The following ATXN2 variants were observed in gnomAD, a reference collection of about 807,000 sequenced individuals.
The protein encoded by ATXN2 is ataxin-2.
ATXN2 carries 37 observed loss-of-function variants against 138.6 expected under a neutral mutation model. The ratio of observed to expected loss-of-function variants is 0.27; its 90% CI spans 0.21 to 0.35. The LOEUF (loss-of-function observed/expected upper bound fraction) is 0.35, where lower values mean the gene tolerates loss of function less well. Ranked by LOEUF, ATXN2 falls within the 10% of genes least tolerant of loss-of-function variation. ATXN2 has a pLI of 1.00. For synonymous variants in ATXN2, 549 were observed against 543.7 expected, an observed-to-expected ratio of 1.01 and a Z score of -0.13; for missense variants, 1,216 against 1,480.3, an observed-to-expected ratio of 0.82 and a Z score of 2.93.
intron 5 of ATXN2, among the ~76,000 whole-genome samples, chr12:111,543,339 C>A (rs1444947364): frequency 6.6e-6 from 1 of 152,194 alleles, no homozygotes; most frequent in African/African-American, 2.4e-5. Context: ...CAACAGCACA[C>A]CAGAATAAAA....
chr12:111,505,128 G>A (rs1420355799), intron 14 of ATXN2, among the ~76,000 whole-genome samples: 1 of 152,120 alleles, frequency 6.6e-6, no homozygotes, highest in Admixed American at 6.6e-5. Context: ...CTACTCATTT[G>A]AGCCCAGGAG....
intron 10 of ATXN2, among the ~76,000 whole-genome samples, chr12:111,515,027 C>T (rs1458927963): frequency 1.3e-5 from 2 of 152,018 alleles, no homozygotes; most frequent in Admixed American, 6.6e-5. Context: ...TGATGGACTA[C>T]AAGAAAAATA....
At chr12:111,588,123 G>A (rs1442085805) in intron 1 of ATXN2, among the ~76,000 whole-genome samples, 1 of 151,712 alleles carries the variant, frequency 6.6e-6, no homozygotes, top group East Asian at 1.9e-4. Context: ...GGAGACAGAG[G>A]TTGCAGTGAG....
intron 1 of ATXN2, among the ~76,000 whole-genome samples, chr12:111,556,184 C>A (rs1218256256): frequency 6.6e-6 from 1 of 151,932 alleles, no homozygotes; most frequent in African/African-American, 2.4e-5. Context: ...AGTAAAATAG[C>A]CTACTGGAAG....
At position 111,457,278 on chromosome 12, in the gene ATXN2, G is replaced by A. The variant is rs1875181333; in HGVS notation, c.2978C>T (p.Ala993Val). ...GCTTTGCTGCTGTCCAGTGGGGGTA[G>A]CTGAAGGCTGAGGGTGTGGAGTATG... ...HPHTPHPQPS[A>V]TPTGQQQSQH... The change falls in exon 22 of 25, where the codon GCT becomes GTT. Residue 993 changes from alanine to valine, a missense_variant. This residue lies in a region of ATXN2 where 490 missense variants were observed against 653.5 expected (regional missense o/e 0.75). Transcript: ENST00000673436. 6.2e-7 allele frequency: 1 copy of A among 1,614,062 alleles called. No homozygotes were observed. Among genetic ancestry groups the A allele is most frequent in the Non-Finnish European group, 8.5e-7 (1 of 1,180,020 alleles).
chr12:111,584,720 C>T lies in ATXN2; in HGVS notation c.251+14064G>A, dbSNP rs372556773. ...GGGGTTCATGCCTGTATCCCCAGCA[C>T]TTTGGGAGGCCGAGGCAAGTGGATC... On this transcript the variant is annotated intron_variant, in intron 1 of 24. Transcript: ENST00000673436. Among the ~76,000 whole-genome samples, 3 of 151,992 alleles carry T rather than the reference C, an allele frequency of 2.0e-5. No individual in the cohort carries two copies. In the East Asian group the frequency reaches 5.8e-4, roughly 29 times the overall value.
At chr12:111,471,291 T>G (rs975197240) in intron 18 of ATXN2, 2 of 154,350 alleles carry the variant, frequency 1.3e-5, no homozygotes, top group African/African-American at 4.8e-5. Context: ...TTTAAAAGAT[T>G]ACTTTATGTC....
chr12:111,588,991 C>CATAAA (rs1884493031), intron 1 of ATXN2, among the ~76,000 whole-genome samples: 1 of 38,684 alleles, frequency 2.6e-5, no homozygotes, highest in Non-Finnish European at 5.5e-5. Context: ...CGAGATTTCT[C>CATAAA]AAAAAAAAAA....
rs560546839 is a variant in ATXN2 at position 111,484,946 on chromosome 12, T to C, written c.2524+319A>G. 3.3e-5 allele frequency among the ~76,000 whole-genome samples: 5 copies of C among 152,302 alleles called. No individual in the cohort carries two copies. The East Asian group carries it at 5.8e-4, about 18-fold the overall frequency. On this transcript the variant is annotated intron_variant, in intron 18 of 24. Transcript: ENST00000673436. The stretch of plus-strand genomic sequence containing the variant: ...AAAGTCTCTGTTGTCCAGGCTGATC[T>C]TGGGCTCCTGAGCTCAAGCAATCCT...
chr12:111,599,360 G>A, upstream of ATXN2: 18 of 1,142,870 alleles, frequency 1.6e-5, no homozygotes, highest in Non-Finnish European at 1.9e-5. Context: ...AGGGGCGGCG[G>A]AGGGATACGG....
At chr12:111,597,603 G>T in intron 1 of ATXN2, 1 of 403,688 alleles carries the variant, frequency 2.5e-6, no homozygotes, top group Non-Finnish European at 5.0e-6. Context: ...CGTGAAATAC[G>T]AACTGACAAC....
intron 18 of ATXN2, among the ~76,000 whole-genome samples, chr12:111,477,079 A>G (rs1333288000): frequency 6.6e-6 from 1 of 151,850 alleles, no homozygotes; most frequent in Non-Finnish European, 1.5e-5. Context: ...GCAGTGGCTC[A>G]TGCCTGTAAT....
intron 7 of ATXN2, among the ~76,000 whole-genome samples, 176 bp from the exon 8 acceptor site, chr12:111,520,252 A>T (rs1880081876): frequency 1.3e-5 from 2 of 152,214 alleles, no homozygotes; most frequent in South Asian, 4.1e-4. Context: ...CAAAATTCTA[A>T]CTTTTTTTTC....
At chr12:111,586,418 G>A (rs1884342454) in intron 1 of ATXN2, among the ~76,000 whole-genome samples, 1 of 131,936 alleles carries the variant, frequency 7.6e-6, no homozygotes, top group Non-Finnish European at 1.6e-5. Context: ...TTTTTAGACG[G>A]AGTCTCCCTC....
chr12:111,572,053 C>A (rs1022808988), intron 1 of ATXN2, among the ~76,000 whole-genome samples: 1 of 145,950 alleles, frequency 6.9e-6, no homozygotes, highest in Non-Finnish European at 1.5e-5. Context: ...GTAAAGAAAA[C>A]GTGCAAACAT....
chr12:111,486,685 G>A (rs1349393278), intron 16 of ATXN2, 76 bp downstream of exon 16: 2 of 1,235,588 alleles, frequency 1.6e-6, no homozygotes, highest in East Asian at 2.3e-5. Context: ...CAGATGGCAG[G>A]TATGGAAGAA....
intron 21 of ATXN2, among the ~76,000 whole-genome samples, chr12:111,460,811 AT>A (rs1293884048): frequency 6.6e-6 from 1 of 152,224 alleles, no homozygotes; most frequent in African/African-American, 2.4e-5. Context: ...TTTACTATGC[AT>A]TTTTAAAAGG....
At chr12:111,539,484 A>T (rs1381991009) in intron 5 of ATXN2, among the ~76,000 whole-genome samples, 1 of 150,510 alleles carries the variant, frequency 6.6e-6, no homozygotes, top group Non-Finnish European at 1.5e-5. Flanking sequence ...GCGATGGCTC[A>T]TGCCTGTAAT....
intron 5 of ATXN2, among the ~76,000 whole-genome samples, chr12:111,528,734 G>C (rs541742460): frequency 6.6e-6 from 1 of 152,236 alleles, no homozygotes; most frequent in South Asian, 2.1e-4. Context: ...AAGGACTTAG[G>C]GGAAGATGTG....
Sources: gnomAD v4.1 joint callset for allele counts (sites outside exome capture counted in the v4.1 genomes callset) on GRCh38, gnomAD v4.1.1 for gene constraint, gnomAD v4.1.1 regional missense constraint, MANE v1.5 for transcripts, NCBI Gene and HGNC (gene_info 2026-07-23, HGNC 2026-07-21) for gene names.